Variants in AHRR observed in about 807,000 individuals in gnomAD.
AHRR encodes the protein aryl hydrocarbon receptor repressor, also known as ahR repressor.
In AHRR, 28 loss-of-function variants were observed where a neutral mutation model predicts 44.0. The observed-to-expected ratio is 0.64, with a 90% CI of 0.47 to 0.87. The LOEUF (loss-of-function observed/expected upper bound fraction) is 0.87, where lower values mean the gene tolerates loss of function less well. Ranked by LOEUF, AHRR falls within the 40% of genes least tolerant of loss-of-function variation. The probability of loss-of-function intolerance (pLI) is 0.00; values close to 1 mark genes in which losing one functional copy is unlikely to be tolerated. For synonymous variants in AHRR, 434 were observed against 407.0 expected (o/e 1.07, Z -0.80); for missense variants, 990 against 953.9 (o/e 1.04, Z -0.50).
At chr5:367,272 G>A (rs1214737400) in intron 3 of AHRR, among the ~76,000 whole-genome samples, 3 of 152,236 alleles carry the variant, frequency 2.0e-5, no homozygotes, top group Admixed American at 1.3e-4. Context: ...TCGTGGGCAC[G>A]TGGTGGGCCC....
rs765144182 is a variant in AHRR at position 427,986 on chromosome 5, C to T, written c.888C>T (p.Thr296=). 26 of 1,613,728 alleles carry T rather than the reference C, an allele frequency of 1.6e-5. No individual in the cohort carries two copies. Among genetic ancestry groups the T allele is most frequent in the South Asian group, 8.8e-5 (8 of 91,066 alleles). Residue 296 remains threonine, a synonymous_variant, in exon 8 of 11, where the codon ACC becomes ACT. Coordinates refer to ENST00000684583, the MANE Select transcript of AHRR (RefSeq NM_001377236.1). ...ALLRAKPRAD[T]AATADAKVKA... is the part of the protein sequence containing the mutation. ...TGAGGGCAAAACCCAGAGCAGACAC[C>T]GCAGCCACCGCGGATGCAAAGTGAG... is the stretch of plus-strand genomic sequence containing the variant.
chr5:390,724 G>GCAC (rs1328407817), intron 4 of AHRR, among the ~76,000 whole-genome samples: 31 of 152,232 alleles, frequency 2.0e-4, no homozygotes, highest in African/African-American at 7.0e-4. Context: ...TTCCTGCTGG[G>GCAC]ATCTCTGTGA....
intron 1 of AHRR, among the ~76,000 whole-genome samples, chr5:329,040 G>C (rs551989571): frequency 3.0e-4 from 46 of 152,282 alleles, no homozygotes; most frequent in African/African-American, 1.1e-3. Flanking sequence ...TATGGGGGCA[G>C]TTTCCTCCAT....
chr5:368,949 C>T (rs1743468436), intron 3 of AHRR, among the ~76,000 whole-genome samples: 1 of 151,738 alleles, frequency 6.6e-6, no homozygotes, highest in African/African-American at 2.4e-5. Flanking sequence ...CAACTTGATG[C>T]AGTATGTGTC....
chr5:353,722 C>A lies in AHRR; in HGVS notation c.63-8C>A. 6.2e-7 allele frequency: 1 copy of A among 1,603,002 alleles called. No individual in the cohort carries two copies. The highest frequency in any genetic ancestry group is 8.5e-7 in the Non-Finnish European group (1 of 1,176,774). ...GAAGCCCACCTGACCCAGACCATCT[C>A]CCCACAGGAGGCCCGCCGTGGGGGC... is the stretch of plus-strand genomic sequence containing the variant. On this transcript the variant is annotated splice_region_variant and splice_polypyrimidine_tract_variant and intron_variant, in intron 2 of 10. Transcript: ENST00000684583.
intron 4 of AHRR, among the ~76,000 whole-genome samples, chr5:385,132 C>T (rs983585642): frequency 4.6e-5 from 7 of 151,950 alleles, no homozygotes; most frequent in Non-Finnish European, 8.8e-5. Context: ...CTCTTTAGCA[C>T]TTCTTATGGT....
In AHRR at chr5:404,013, T is replaced by C; in HGVS notation, c.352-9331T>C. On this transcript the variant is annotated intron_variant, in intron 4 of 10. Transcript: ENST00000684583. The surrounding 1 kb of genome is among the most constrained non-coding windows in gnomAD (Gnocchi z 4.1). ...TTACAGTAATTCGAACTTGGTGTTT[T>C]TTCTTAATCCACGGCTGAATCTGTT... 1 of 902,010 alleles carries C rather than the reference T, an allele frequency of 1.1e-6. No individual in the cohort carries two copies. Among genetic ancestry groups the C allele is most frequent in the Non-Finnish European group, 1.8e-6 (1 of 545,878 alleles). 55.9% of individuals were successfully genotyped at this position (902,010 alleles called of 1,614,324 possible). A position where few individuals can be genotyped will look rare whatever the true frequency, so the allele number is the denominator to read the frequency against.
intron 3 of AHRR, among the ~76,000 whole-genome samples, chr5:373,709 C>T (rs997262891): frequency 1.4e-5 from 2 of 147,352 alleles, no homozygotes; most frequent in African/African-American, 2.5e-5. Context: ...TCAGGGAGGG[C>T]GGGGGGACCT....
intron 2 of AHRR, among the ~76,000 whole-genome samples, chr5:352,276 G>T (rs1395289458): frequency 6.6e-6 from 1 of 152,160 alleles, no homozygotes; most frequent in Non-Finnish European, 1.5e-5. Context: ...TAGGTCAGCT[G>T]TAGGGGACGG....
intron 1 of AHRR, among the ~76,000 whole-genome samples, chr5:329,645 G>A (rs938493016): frequency 1.3e-5 from 2 of 152,148 alleles, no homozygotes; most frequent in Admixed American, 6.5e-5. Context: ...ATGTTTTCGT[G>A]TTTGTGTCAT....
intron 4 of AHRR, 24 bp downstream of exon 4, chr5:376,740 G>A (rs769814891): frequency 2.1e-5 from 33 of 1,573,708 alleles, no homozygotes; most frequent in Non-Finnish European, 2.6e-5. Flanking sequence ...TTGGTACCTC[G>A]AACACTTGAC....
At chr5:423,010 C>T (rs1371501955) in intron 6 of AHRR, 152 bp downstream of exon 6, 3 of 1,089,534 alleles carry the variant, frequency 2.8e-6, no homozygotes, top group Non-Finnish European at 3.8e-6. Context: ...TCAGAGGCCT[C>T]CTCCCATGTC....
chr5:343,340 G>T (rs546900762), intron 1 of AHRR, among the ~76,000 whole-genome samples: 2 of 145,840 alleles, frequency 1.4e-5, no homozygotes, highest in African/African-American at 4.9e-5. Flanking sequence ...AGGAACGTGG[G>T]ACCCCACGTA....
intron 2 of AHRR, among the ~76,000 whole-genome samples, chr5:353,066 C>T (rs1013549628): frequency 6.6e-6 from 1 of 152,100 alleles, no homozygotes; most frequent in Non-Finnish European, 1.5e-5. Flanking sequence ...CCACAGGTGG[C>T]CCCTTTTTGT....
intron 3 of AHRR, among the ~76,000 whole-genome samples, chr5:356,150 C>A (rs1019781989): frequency 6.6e-6 from 1 of 152,164 alleles, no homozygotes; most frequent in African/African-American, 2.4e-5. Flanking sequence ...CGGGATTTTC[C>A]ACTCTTGGTG....
intron 4 of AHRR, among the ~76,000 whole-genome samples, chr5:389,776 A>G (rs1734330559): frequency 6.6e-6 from 1 of 151,712 alleles, no homozygotes; most frequent in Non-Finnish European, 1.5e-5. Flanking sequence ...CTGCGCCAGC[A>G]TTGCTGGGTT....
intron 4 of AHRR, among the ~76,000 whole-genome samples, chr5:410,953 C>T (rs561348598): frequency 2.6e-5 from 4 of 151,244 alleles, no homozygotes; most frequent in African/African-American, 9.7e-5. Context: ...TTCTTATTAT[C>T]CTTTTAATAT....
chr5:345,551 TGTG>T (rs1742636963), intron 2 of AHRR, among the ~76,000 whole-genome samples: 1 of 138,288 alleles, frequency 7.2e-6, no homozygotes, highest in African/African-American at 2.7e-5. Flanking sequence ...TGTGTGGGGA[TGTG>T]TGTGTGGGGA....
At chr5:412,783 C>T (rs1005660523) in intron 4 of AHRR, among the ~76,000 whole-genome samples, 2 of 142,572 alleles carry the variant, frequency 1.4e-5, no homozygotes, top group Non-Finnish European at 3.0e-5. Context: ...GGCAGTGGTG[C>T]GACCTCGGCT....
Sources: allele counts gnomAD v4.1 joint callset (sites outside exome capture counted in the v4.1 genomes callset), GRCh38; gene constraint gnomAD v4.1.1; non-coding constraint Gnocchi (gnomAD v3.1); transcripts MANE v1.5; gene names NCBI Gene and HGNC (gene_info 2026-07-23, HGNC 2026-07-21).